The following SCAF4 variants were observed in gnomAD, a reference collection of about 807,000 sequenced individuals.
The protein encoded by SCAF4 is SR-related CTD associated factor 4.
In SCAF4, 25 loss-of-function variants were observed where a neutral mutation model predicts 129.8. The observed-to-expected ratio is 0.19, with a 90% CI of 0.14 to 0.27. The LOEUF is 0.27. Among genes scored for constraint, SCAF4 ranks in the 10% least tolerant of loss-of-function variants. SCAF4 has a pLI of 1.00. For synonymous variants in SCAF4, 551 were observed against 497.7 expected (o/e 1.11, Z -1.43); for missense variants, 1,246 against 1,457.1 (o/e 0.86, Z 2.36).
At position 31,671,177 on chromosome 21, in the gene SCAF4, A is replaced by T. The variant is rs2049680264; in HGVS notation, c.*222T>A. Reference sequence around the variant, plus strand: ...TAAACTTTTTAAAGTCAAAACTTTTAAAAAGTTACAGCAAAAAGGGTAATA... The same window carrying T: ...TAAACTTTTTAAAGTCAAAACTTTTTAAAAGTTACAGCAAAAAGGGTAATA... On this transcript the variant is annotated 3_prime_UTR_variant, in exon 20 of 20. Coordinates refer to ENST00000286835, the MANE Select transcript of SCAF4 (RefSeq NM_020706.2). 1 of 420,730 alleles carries T rather than the reference A, an allele frequency of 2.4e-6. No homozygotes were observed. The highest frequency in any genetic ancestry group is 4.1e-6 in the Non-Finnish European group (1 of 243,428). The allele number at this position is 420,730 out of a possible 1,614,324, so 26.1% of individuals were successfully genotyped here.
intron 12 of SCAF4, among the ~76,000 whole-genome samples, chr21:31,692,956 C>T (rs1417005752): frequency 2.0e-5 from 3 of 152,162 alleles, no homozygotes; most frequent in Non-Finnish European, 4.4e-5. Context: ...AAATCTTAGT[C>T]ATCTTAATAG....
Position 31,722,920 on chromosome 21 carries a change from T to C in SCAF4, c.30+8743A>G, listed in dbSNP as rs542920871. Among the ~76,000 whole-genome samples, 24 of 152,216 alleles carry C rather than the reference T, an allele frequency of 1.6e-4. No homozygotes were observed. The East Asian group carries it at 3.9e-3, about 25-fold the overall frequency. On this transcript the variant is annotated intron_variant, in intron 1 of 19. Coordinates refer to ENST00000286835, the MANE Select transcript of SCAF4 (RefSeq NM_020706.2). The stretch of plus-strand genomic sequence containing the variant: ...GTGAGCTGCGATTGCGCCACTGTAC[T>C]CCAGCCTGGGTGACAGAGCAAGACT...
At chr21:31,708,818 A>ATT (rs1332190236) in intron 1 of SCAF4, among the ~76,000 whole-genome samples, 1 of 152,172 alleles carries the variant, frequency 6.6e-6, no homozygotes, top group Non-Finnish European at 1.5e-5. Flanking sequence ...ACACTGCTAT[A>ATT]TTTTGGATAG....
chr21:31,696,301 T>C (rs2050384052), intron 8 of SCAF4, 80 bp from the exon 9 acceptor site: 1 of 1,040,284 alleles, frequency 9.6e-7, no homozygotes. Flanking sequence ...AACAGAGTGT[T>C]GTTCATGAGT....
chr21:31,725,861 A>AT (rs1303033460), intron 1 of SCAF4, among the ~76,000 whole-genome samples: 9 of 152,204 alleles, frequency 5.9e-5, no homozygotes, highest in East Asian at 3.9e-4. Context: ...CTCTTTATTA[A>AT]TTTTTTTGTT....
In SCAF4 at chr21:31,703,937, A is replaced by G. The variant is rs754976976; in HGVS notation, c.160-11T>C. The G allele has an allele frequency of 1.3e-6, 2 of 1,519,762 alleles. No individual in the cohort carries two copies. Among genetic ancestry groups the G allele is most frequent in the South Asian group, 1.3e-5 (1 of 75,698 alleles). The allele number at this position is 1,519,762 out of a possible 1,614,324, so 94.1% of individuals were successfully genotyped here. On this transcript the variant is annotated splice_polypyrimidine_tract_variant and intron_variant, in intron 3 of 19. Transcript: ENST00000286835. ...GTATTCTGGTTTACACTGCAAGGAT[A>G]AAGATGTAAGATCAGTACAGAAAAA...
intron 1 of SCAF4, among the ~76,000 whole-genome samples, chr21:31,711,384 T>A (rs770286450): frequency 2.0e-5 from 3 of 152,196 alleles, no homozygotes; most frequent in Non-Finnish European, 2.9e-5. Context: ...ACTGAACAGA[T>A]ACAGAAATCC....
intron 9 of SCAF4, 103 bp from the exon 10 acceptor site, chr21:31,695,083 A>G (rs1448121186): frequency 1.1e-6 from 1 of 914,638 alleles, no homozygotes; most frequent in Non-Finnish European, 1.7e-6. Context: ...TTGATCAAGG[A>G]AAAGTTACAA....
chr21:31,702,951 G>C (rs2050570151), intron 4 of SCAF4, among the ~76,000 whole-genome samples: 1 of 152,096 alleles, frequency 6.6e-6, no homozygotes, highest in South Asian at 2.1e-4. Flanking sequence ...GCTGTTTATT[G>C]TAAATGTCTC....
intron 19 of SCAF4, chr21:31,684,792 A>T: frequency 2.1e-6 from 1 of 470,076 alleles, no homozygotes; most frequent in Non-Finnish European, 3.8e-6. Context: ...GAAGATCCAA[A>T]CTTTTATTCA....
chr21:31,701,282 A>G, intron 6 of SCAF4, 111 bp from the exon 7 acceptor site: 1 of 889,142 alleles, frequency 1.1e-6, no homozygotes, highest in Non-Finnish European at 1.6e-6. Context: ...ATAGGCACAG[A>G]ACAAATTGGG....
At chr21:31,706,481 C>T in intron 1 of SCAF4, 124 bp from the exon 2 acceptor site, 1 of 654,072 alleles carries the variant, frequency 1.5e-6, no homozygotes, top group Non-Finnish European at 2.7e-6. Context: ...TGAGGGGGGT[C>T]TTAGCAGCTA....
chr21:31,706,629 G>C, intron 1 of SCAF4: 1 of 410,912 alleles, frequency 2.4e-6, no homozygotes, highest in South Asian at 3.7e-5. Flanking sequence ...AGAGGCAATC[G>C]GCATGGCTGT....
rs2049673526 is a variant in SCAF4 at position 31,671,020 on chromosome 21, G to C, written c.*379C>G. On this transcript the variant is annotated 3_prime_UTR_variant, in exon 20 of 20. Coordinates refer to ENST00000286835, the MANE Select transcript of SCAF4 (RefSeq NM_020706.2). ...ACCTTAATGCAGTGTAGGAAGAATA[G>C]CACACATTAAAGTTTGTTACGAAAA... The C allele has an allele frequency of 2.2e-5, 4 of 180,938 alleles. No homozygotes were observed. The highest frequency in any genetic ancestry group is 1.1e-4 in the Admixed American group (2 of 18,132). The allele number at this position is 180,938 out of a possible 1,614,324, so 11.2% of individuals were successfully genotyped here.
chr21:31,710,073 A>G (rs1461365006), intron 1 of SCAF4, among the ~76,000 whole-genome samples: 1 of 152,164 alleles, frequency 6.6e-6, no homozygotes, highest in Non-Finnish European at 1.5e-5. Context: ...GCCTGCCTGT[A>G]TATTGTCTGG....
chr21:31,687,117 G>A (rs1004591163), intron 16 of SCAF4, among the ~76,000 whole-genome samples: 3 of 152,250 alleles, frequency 2.0e-5, no homozygotes, highest in Admixed American at 1.3e-4. Context: ...CTCACATTGA[G>A]AAAATGAAGA....
Position 31,671,406 on chromosome 21 carries a change from G to T in SCAF4, c.3437C>A (p.Pro1146His). The T allele has an allele frequency of 6.2e-7, 1 of 1,613,230 alleles. No homozygotes were observed. Among genetic ancestry groups the T allele is most frequent in the Non-Finnish European group, 8.5e-7 (1 of 1,179,534 alleles). Reference protein sequence around the residue: ...EKDSGSAAEAPR With the variant: ...EKDSGSAAEAHR The stretch of plus-strand genomic sequence containing the variant: ...TTTCACAAATTCCAGTCTCTAACGA[G>T]GAGCCTCTGCTGCTGAGCCAGAATC... Residue 1146 changes from proline (P) to histidine (H), a missense_variant, in exon 20 of 20, where the codon CCT becomes CAT. This residue lies in a region of SCAF4 where 339 missense variants were observed against 325.0 expected (regional missense o/e 1.04). Transcript: ENST00000286835.
At chr21:31,716,672 G>A (rs1271471850) in intron 1 of SCAF4, among the ~76,000 whole-genome samples, 1 of 152,048 alleles carries the variant, frequency 6.6e-6, no homozygotes, top group Non-Finnish European at 1.5e-5. Flanking sequence ...TAAACCTGAA[G>A]ACAACTCCAT....
At position 31,685,196 on chromosome 21, in the gene SCAF4, T is replaced by C. The variant is rs2050088931; in HGVS notation, c.2341A>G (p.Ile781Val). The C allele has an allele frequency of 2.5e-6, 4 of 1,611,660 alleles. No individual in the cohort carries two copies. The highest frequency in any genetic ancestry group is 2.5e-6 in the Non-Finnish European group (3 of 1,178,538). The change falls in exon 19 of 20, where the codon ATT becomes GTT. Residue 781 changes from isoleucine to valine, a missense_variant. Coordinates refer to ENST00000286835, the MANE Select transcript of SCAF4 (RefSeq NM_020706.2). ...INEDTTKDLS[I>V]GNPIPTVVSG... Reference sequence around the variant, plus strand: ...ACCACTGTTGGAATGGGATTTCCAATAGATAAGTCTTTTGTAGTGTCTTCA... The same window carrying C: ...ACCACTGTTGGAATGGGATTTCCAACAGATAAGTCTTTTGTAGTGTCTTCA...
Sources: gnomAD v4.1 joint callset for allele counts (sites outside exome capture counted in the v4.1 genomes callset) on GRCh38, gnomAD v4.1.1 for gene constraint, gnomAD v4.1.1 regional missense constraint, MANE v1.5 for transcripts, NCBI Gene and HGNC (gene_info 2026-07-23, HGNC 2026-07-21) for gene names.